The following INSL6 variants were observed in gnomAD, a reference collection of about 807,000 sequenced individuals.
INSL6 encodes insulin like 6.
A neutral mutation model predicts 9.4 loss-of-function variants in INSL6; 16 were observed. That is an observed-to-expected ratio of 1.70 (90% CI 1.15 to 2.59). The LOEUF is 2.59. Among genes scored for constraint, INSL6 ranks in the 30% most tolerant of loss-of-function variants. The pLI, the probability that INSL6 is intolerant of heterozygous loss-of-function variation, is 0.00. For synonymous variants in INSL6, 154 were observed against 96.9 expected, an observed-to-expected ratio of 1.59 and a Z score of -3.46; for missense variants, 391 against 257.3, an observed-to-expected ratio of 1.52 and a Z score of -3.56.
the INSL6 span, chr9:5,094,663 T>C: frequency 6.6e-6 from 1 of 152,294 alleles, no homozygotes; most frequent in African/African-American, 2.4e-5. Flanking sequence ...CGAGCCCCTT[T>C]TGACTTAACA....
At chr9:5,126,227 A>C (rs970106251) in intron 3 of INSL6, 143 of 687,208 alleles carry the variant, frequency 2.1e-4, no homozygotes, top group Non-Finnish European at 2.8e-4. Flanking sequence ...GAAAACATAC[A>C]AAAGCACACA....
At chr9:5,159,418 G>T (rs1179765506), downstream of INSL6, among the ~76,000 whole-genome samples, 1 of 151,540 alleles carries the variant, frequency 6.6e-6, no homozygotes, top group Non-Finnish European at 1.5e-5. Flanking sequence ...CACGCTTCAT[G>T]TATACAGACA....
At chr9:5,105,949 C>T in the INSL6 span, among the ~76,000 whole-genome samples, 1 of 152,154 alleles carries the variant, frequency 6.6e-6, no homozygotes, top group Non-Finnish European at 1.5e-5. Context: ...AGACTTAAAA[C>T]CATAAAAGCC....
chr9:5,066,520 CT>C, the INSL6 span, among the ~76,000 whole-genome samples: 1 of 151,964 alleles, frequency 6.6e-6, no homozygotes, highest in African/African-American at 2.4e-5. Context: ...TAGCTTGGTA[CT>C]TTGATTTTTT....
At chr9:5,007,044 T>C in the INSL6 span, among the ~76,000 whole-genome samples, 1 of 152,164 alleles carries the variant, frequency 6.6e-6, no homozygotes, top group Admixed American at 6.5e-5. Context: ...GTCTTTCTAG[T>C]GTTTTATCAA....
At chr9:5,044,724 GT>G in the INSL6 span, among the ~76,000 whole-genome samples, 4 of 152,070 alleles carry the variant, frequency 2.6e-5, no homozygotes, top group Non-Finnish European at 5.9e-5. Context: ...ATTTTATAAA[GT>G]TTTTTTGGAC....
At chr9:5,169,190 T>G (rs1825126479) in intron 1 of INSL6, among the ~76,000 whole-genome samples, 1 of 152,212 alleles carries the variant, frequency 6.6e-6, no homozygotes, top group African/African-American at 2.4e-5. Context: ...CCTCCCAAAG[T>G]GCTGGGATTA....
the INSL6 span, among the ~76,000 whole-genome samples, chr9:5,043,684 GAAAC>G: frequency 6.6e-6 from 1 of 152,086 alleles, no homozygotes; most frequent in South Asian, 2.1e-4. Flanking sequence ...AAAAATAATA[GAAAC>G]AAACCCAAAT....
intron 2 of INSL6, chr9:5,133,610 G>A (rs1012451779): frequency 6.6e-6 from 1 of 152,192 alleles, no homozygotes; most frequent in Middle Eastern, 3.1e-3. Flanking sequence ...ACAGGGGCCC[G>A]ACTGTTAGAA....
At chr9:5,122,061 A>G (rs1219074306), downstream of INSL6, among the ~76,000 whole-genome samples, 1 of 152,180 alleles carries the variant, frequency 6.6e-6, no homozygotes, top group African/African-American at 2.4e-5. Context: ...GACTGCCAGT[A>G]CTATAGGAAT....
At chr9:5,048,196 C>CA in the INSL6 span, among the ~76,000 whole-genome samples, 2 of 151,878 alleles carry the variant, frequency 1.3e-5, no homozygotes, top group African/African-American at 4.8e-5. Context: ...GGCTGGAGTG[C>CA]AATGGCGTGA....
At chr9:5,085,402 G>C in the INSL6 span, 2 of 807,528 alleles carry the variant, frequency 2.5e-6, no homozygotes, top group South Asian at 2.6e-5. Flanking sequence ...TCCTAGAACA[G>C]AGACTGCTTT....
At chr9:5,009,360 A>T in the INSL6 span, among the ~76,000 whole-genome samples, 3 of 152,218 alleles carry the variant, frequency 2.0e-5, no homozygotes, top group African/African-American at 7.2e-5. Flanking sequence ...TACATCTGAT[A>T]CAGAATGGAA....
chr9:5,013,619 T>G, the INSL6 span, among the ~76,000 whole-genome samples: 3 of 152,158 alleles, frequency 2.0e-5, no homozygotes, highest in Non-Finnish European at 4.4e-5. Context: ...CATGCTTTTC[T>G]CCCTGCCAAT....
chr9:5,185,445 A>T lies in INSL6; in HGVS notation c.158T>A (p.Phe53Tyr), dbSNP rs1825552248. ...KLCGHANWSQ[F>Y]RFEEETPFSR... Reference sequence around the variant, plus strand: ...GAAAGGGGTTTCCTCCTCGAAACGGAACTGGCTCCAGTTGGCATGGCCGCA... The same window carrying T: ...GAAAGGGGTTTCCTCCTCGAAACGGTACTGGCTCCAGTTGGCATGGCCGCA... The change falls in exon 1 of 2, where the codon TTC (phenylalanine) becomes TAC (tyrosine). Residue 53 changes from phenylalanine to tyrosine, a missense_variant. By Grantham distance (22) the Phe-to-Tyr change is conservative (BLOSUM62 3). Coordinates refer to ENST00000381641, the MANE Select transcript of INSL6 (RefSeq NM_007179.3). 6.2e-7 allele frequency: 1 copy of T among 1,614,028 alleles called. No individual in the cohort carries two copies. The highest frequency in any genetic ancestry group is 1.3e-5 in the African/African-American group (1 of 74,920).
chr9:5,005,632 C>A, the INSL6 span, among the ~76,000 whole-genome samples: 1 of 152,024 alleles, frequency 6.6e-6, no homozygotes, highest in Non-Finnish European at 1.5e-5. Flanking sequence ...TTTTCCTTTT[C>A]ATGTCCTTAC....
intron 1 of INSL6, among the ~76,000 whole-genome samples, chr9:5,166,260 C>T (rs2130907380): frequency 6.6e-6 from 1 of 152,178 alleles, no homozygotes; most frequent in East Asian, 1.9e-4. Context: ...TTAGGCTTTA[C>T]AAAGTCTTTC....
chr9:5,125,198 A>G lies in INSL6; in HGVS notation c.*11-687T>C, dbSNP rs189781344. Among the ~76,000 whole-genome samples, 1,017 of 151,288 alleles carry G rather than the reference A, an allele frequency of 6.7e-3. 14 individuals are homozygous for G. The highest frequency in any genetic ancestry group is 0.023 in the African/African-American group (971 of 41,464). On this transcript the variant is annotated intron_variant, in intron 3 of 3. Coordinates refer to the INSL6 transcript ENST00000649639. ...ACCTTTCAGGCTTCATTTTGTGTATAAAAGTATATACAAAGAAGTATATAA... is the reference window on the plus strand; with the variant it reads ...ACCTTTCAGGCTTCATTTTGTGTATGAAAGTATATACAAAGAAGTATATAA...
At chr9:5,083,674 T>A in the INSL6 span, among the ~76,000 whole-genome samples, 15,694 of 152,172 alleles carry the variant, frequency 0.1, 2,513 homozygotes, top group African/African-American at 0.35. Flanking sequence ...AACAATGGAA[T>A]ATATACTGGT....
Sources: gnomAD v4.1 joint callset for allele counts (sites outside exome capture counted in the v4.1 genomes callset) on GRCh38, gnomAD v4.1.1 for gene constraint, MANE v1.5 for transcripts, NCBI Gene and HGNC (gene_info 2026-07-23, HGNC 2026-07-21) for gene names.